THSD7A: variants seen among roughly 807,000 people sequenced by gnomAD.
THSD7A encodes thrombospondin type 1 domain containing 7A.
A neutral mutation model predicts 231.3 loss-of-function variants in THSD7A; 96 were observed. The observed-to-expected ratio is 0.41, with a 90% confidence interval of 0.35 to 0.49. The LOEUF is 0.49. Ranked by LOEUF, THSD7A falls within the 20% of genes least tolerant of loss-of-function variation. The pLI is 0.05. For missense variants in THSD7A, 2,290 were observed against 2,070.2 expected, an observed-to-expected ratio of 1.11 and a Z score of -2.06; for synonymous variants, 940 against 743.3, an observed-to-expected ratio of 1.26 and a Z score of -4.30.
chr7:11,457,470 T>G (rs1785346196), intron 11 of THSD7A, among the ~76,000 whole-genome samples: 1 of 152,076 alleles, frequency 6.6e-6, no homozygotes, highest in African/African-American at 2.4e-5. Flanking sequence ...TGTCCACAAT[T>G]TATTTATTTT....
chr7:11,658,029 G>T (rs1263842134), intron 1 of THSD7A, among the ~76,000 whole-genome samples: 1 of 151,648 alleles, frequency 6.6e-6, no homozygotes, highest in Non-Finnish European at 1.5e-5. Context: ...TAGATGGTAT[G>T]CCACCCTGCT....
chr7:11,481,969 G>A lies in THSD7A; in HGVS notation c.1836C>T (p.Asp612=). The part of the protein sequence containing the change: ...VCINSDGEEV[D]RQLCRDAIFP... ...AGATGGCATCTCTGCACAGCTGTCT[G>A]TCAACTTCTTCTCCTGGGGAAAACA... The change falls in exon 7 of 28, where the codon GAC becomes GAT. Residue 612 remains aspartate, a synonymous_variant. Coordinates refer to ENST00000423059, the MANE Select transcript of THSD7A (RefSeq NM_015204.3). The A allele has an allele frequency of 6.3e-7, 1 of 1,596,782 alleles. No individual in the cohort carries two copies. The highest frequency in any genetic ancestry group is 8.5e-7 in the Non-Finnish European group (1 of 1,170,480).
intron 16 of THSD7A, among the ~76,000 whole-genome samples, chr7:11,422,598 C>CA (rs5882308): frequency 0.41 from 40,204 of 98,002 alleles, 6,668 homozygotes; most frequent in Admixed American, 0.46. Context: ...ATTTACAAAG[C>CA]AAAAAAAAAA....
In THSD7A at chr7:11,450,891, G is replaced by A. The variant is rs577730684; in HGVS notation, c.2606-3467C>T. Among the ~76,000 whole-genome samples the A allele has an allele frequency of 1.1e-4, 16 of 151,984 alleles. No homozygotes were observed. In the East Asian group the frequency reaches 2.1e-3, roughly 20 times the overall value. On this transcript the variant is annotated intron_variant, in intron 11 of 27. Transcript: ENST00000423059. ...CCATGAAAGCTTCTCAGTGAGATCC[G>A]CAAAAATCAAGATGATTATTTTAAA... is the stretch of plus-strand genomic sequence containing the variant.
At chr7:11,765,192 T>C (rs533497241) in intron 1 of THSD7A, among the ~76,000 whole-genome samples, 1 of 152,338 alleles carries the variant, frequency 6.6e-6, no homozygotes, top group South Asian at 2.1e-4. Flanking sequence ...CAGGGACTTA[T>C]TTAAAAGTTC....
Position 11,469,955 on chromosome 7 carries a change from A to T in THSD7A, c.2292T>A (p.Cys764Ter). Reference sequence around the variant, plus strand: ...TACAGTCCTTCTTACAAGGAAGCAGACAAGGCCTTACAGTTTCAGGTCGAA... The same window carrying T: ...TACAGTCCTTCTTACAAGGAAGCAGTCAAGGCCTTACAGTTTCAGGTCGAA... ...ESLRPETVRP[C>*]LLPCKKDCIV... The change falls in exon 9 of 28, where the codon TGT becomes TGA. Residue 764 changes from cysteine to a stop codon, truncating the protein, a stop_gained. Coordinates refer to ENST00000423059, the MANE Select transcript of THSD7A (RefSeq NM_015204.3). LOFTEE classifies it high-confidence loss of function. The T allele has an allele frequency of 1.3e-6, 2 of 1,599,546 alleles. No homozygotes were observed. Among genetic ancestry groups the T allele is most frequent in the Non-Finnish European group, 1.7e-6 (2 of 1,172,208 alleles).
intron 6 of THSD7A, among the ~76,000 whole-genome samples, chr7:11,526,474 A>G (rs945492821): frequency 1.3e-5 from 2 of 152,132 alleles, no homozygotes; most frequent in African/African-American, 4.8e-5. Flanking sequence ...GAATCATTTG[A>G]TTACATATTT....
rs1782242961 is a variant in THSD7A, at chr7:11,375,742, C to T, written c.*52G>A. ...GGATACATTTGTTGTGGCCTCTGGA[C>T]ATCTATGAAGTCAGAAAGCCGAAAC... is the stretch of plus-strand genomic sequence containing the variant. On this transcript the variant is annotated 3_prime_UTR_variant, in exon 28 of 28. Coordinates refer to ENST00000423059, the MANE Select transcript of THSD7A (RefSeq NM_015204.3). 4.1e-6 allele frequency: 6 copies of T among 1,453,340 alleles called. No individual in the cohort carries two copies. The highest frequency in any genetic ancestry group is 5.8e-6 in the Non-Finnish European group (6 of 1,038,500). 90.0% of individuals were successfully genotyped at this position (1,453,340 alleles called of 1,614,324 possible). A position where few individuals can be genotyped will look rare whatever the true frequency, so the allele number is the denominator to read the frequency against.
chr7:11,663,704 G>A (rs866732563), intron 1 of THSD7A, among the ~76,000 whole-genome samples: 4 of 151,402 alleles, frequency 2.6e-5, no homozygotes, highest in South Asian at 2.1e-4. Flanking sequence ...CAACCAACCG[G>A]AGCTTTCTCA....
Position 11,424,644 on chromosome 7 carries a change from T to C in THSD7A, c.3383+52A>G, listed in dbSNP as rs991311691. On this transcript the variant is annotated intron_variant, in intron 16 of 27. Transcript: ENST00000423059. The stretch of plus-strand genomic sequence containing the variant: ...AACAGTCATGTTGGCACATGTGCAA[T>C]TGGGAGATAGTTTTGTGTCTTGCTT... 7.2e-5 allele frequency: 115 copies of C among 1,606,964 alleles called. No individual in the cohort carries two copies. The African/African-American group carries it at 1.0e-3, about 15-fold the overall frequency.
chr7:11,606,634 T>G (rs889522177), intron 2 of THSD7A, among the ~76,000 whole-genome samples: 1 of 151,582 alleles, frequency 6.6e-6, no homozygotes, highest in Non-Finnish European at 1.5e-5. Flanking sequence ...GTTTTCTTCC[T>G]GTAAAGATAC....
chr7:11,473,347 T>A (rs967070474), intron 8 of THSD7A, among the ~76,000 whole-genome samples: 2 of 152,158 alleles, frequency 1.3e-5, no homozygotes, highest in African/African-American at 2.4e-5. Flanking sequence ...CTTAGATTAC[T>A]ATTATATGTT....
intron 1 of THSD7A, among the ~76,000 whole-genome samples, chr7:11,653,686 C>G (rs1292936294): frequency 6.6e-6 from 1 of 151,758 alleles, no homozygotes; most frequent in Non-Finnish European, 1.5e-5. Context: ...AGTAGGCCAG[C>G]CAGCAATCAG....
At chr7:11,379,929 T>G (rs1782444254) in intron 24 of THSD7A, among the ~76,000 whole-genome samples, 1 of 152,174 alleles carries the variant, frequency 6.6e-6, no homozygotes. Context: ...TGCCTGGTAC[T>G]CAGCAGGTAT....
At chr7:11,763,556 C>A (rs960707058) in intron 1 of THSD7A, among the ~76,000 whole-genome samples, 2 of 151,894 alleles carry the variant, frequency 1.3e-5, no homozygotes, top group African/African-American at 4.8e-5. Flanking sequence ...TTTACATATA[C>A]CTAAATCTTA....
At chr7:11,793,145 A>C (rs1784011632) in intron 1 of THSD7A, among the ~76,000 whole-genome samples, 1 of 151,980 alleles carries the variant, frequency 6.6e-6, no homozygotes, top group Admixed American at 6.6e-5. Context: ...ATTAAGCTGA[A>C]AAAAATGAGA....
At chr7:11,452,140 G>C (rs538628700) in intron 11 of THSD7A, among the ~76,000 whole-genome samples, 5 of 152,036 alleles carry the variant, frequency 3.3e-5, no homozygotes, top group Admixed American at 6.6e-5. Flanking sequence ...GGTAGCATTA[G>C]AGACAGAAGA....
At chr7:11,819,032 A>G (rs1350743472) in intron 1 of THSD7A, among the ~76,000 whole-genome samples, 1 of 152,198 alleles carries the variant, frequency 6.6e-6, no homozygotes, top group Non-Finnish European at 1.5e-5. Context: ...CAATTAAAAG[A>G]ATGCAGATCT....
At chr7:11,760,831 C>A (rs973367673) in intron 1 of THSD7A, among the ~76,000 whole-genome samples, 2 of 151,582 alleles carry the variant, frequency 1.3e-5, no homozygotes, top group Admixed American at 1.3e-4. Context: ...AAAATAAAAT[C>A]TTAAAATTTG....
Sources: gnomAD v4.1 joint callset for allele counts (sites outside exome capture counted in the v4.1 genomes callset) on GRCh38, gnomAD v4.1.1 for gene constraint, MANE v1.5 for transcripts, NCBI Gene and HGNC (gene_info 2026-07-23, HGNC 2026-07-21) for gene names.